Variants in FBXO42 observed in about 807,000 individuals in gnomAD.
FBXO42 encodes the protein F-box protein 42.
Under a neutral mutation model 71.7 loss-of-function variants are expected in FBXO42, and 12 were observed. The observed-to-expected ratio is 0.17, with a 90% confidence interval of 0.11 to 0.27. The LOEUF (loss-of-function observed/expected upper bound fraction) is 0.27. Ranked by LOEUF, FBXO42 falls within the 10% of genes least tolerant of loss-of-function variation. The pLI is 1.00. For synonymous variants in FBXO42, 325 were observed against 327.5 expected, an observed-to-expected ratio of 0.99 and a Z score of 0.08; for missense variants, 707 against 911.9, an observed-to-expected ratio of 0.78 and a Z score of 2.89.
intron 4 of FBXO42, among the ~76,000 whole-genome samples, chr1:16,278,390 C>A (rs886365698): frequency 4.6e-5 from 7 of 151,850 alleles, no homozygotes; most frequent in East Asian, 1.9e-4. Context: ...ACAAAAAAAA[C>A]CACATCCAGC....
In FBXO42 at chr1:16,294,840, T is replaced by A; in HGVS notation, c.445A>T (p.Asn149Tyr). 1 of 1,614,126 alleles carries A rather than the reference T, an allele frequency of 6.2e-7. No individual in the cohort carries two copies. Among genetic ancestry groups the A allele is most frequent in the Non-Finnish European group, 8.5e-7 (1 of 1,179,994 alleles). Residue 149 changes from asparagine (N) to tyrosine (Y), a missense_variant, in exon 4 of 10, where the codon AAT becomes TAT. Physicochemically the swap from Asn to Tyr is moderately radical, Grantham distance 143. This residue lies in a region of FBXO42 where 188 missense variants were observed against 230.5 expected (regional missense o/e 0.82). Transcript: ENST00000375592. ...TTTAGGTCAAGTCTCCAGAGGTCATTGAAAGCAGCATTGCAGCTGCTCTGG... is the reference window on the plus strand; with the variant it reads ...TTTAGGTCAAGTCTCCAGAGGTCATAGAAAGCAGCATTGCAGCTGCTCTGG... ...CTQSSCNAAF[N>Y]DLWRLDLNSK...
intron 4 of FBXO42, among the ~76,000 whole-genome samples, chr1:16,285,094 C>A (rs891902634): frequency 6.6e-6 from 1 of 151,506 alleles, no homozygotes; most frequent in Non-Finnish European, 1.5e-5. Flanking sequence ...TGCAGTGAGC[C>A]GAGATCGCAC....
chr1:16,351,886 C>T (rs943588650), intron 1 of FBXO42, among the ~76,000 whole-genome samples: 24 of 152,208 alleles, frequency 1.6e-4, no homozygotes, highest in African/African-American at 5.8e-4. Context: ...CACCCGACCC[C>T]CGACTCCTCT....
intron 6 of FBXO42, among the ~76,000 whole-genome samples, chr1:16,255,246 CTGTGA>C (rs2081628374): frequency 6.6e-6 from 1 of 151,892 alleles, no homozygotes; most frequent in Non-Finnish European, 1.5e-5. Context: ...ATTTATTGGT[CTGTGA>C]TTAAGGGATT....
intron 4 of FBXO42, among the ~76,000 whole-genome samples, chr1:16,288,268 A>C (rs2082042340): frequency 6.6e-6 from 1 of 151,910 alleles, no homozygotes; most frequent in Admixed American, 6.6e-5. Context: ...CATCTCTACC[A>C]AAAATACAAA....
Position 16,251,737 on chromosome 1 carries a change from G to A in FBXO42, c.1087C>T (p.Pro363Ser). The change falls in exon 10 of 10, where the codon CCA becomes TCA. Residue 363 changes from proline to serine, a missense_variant. Coordinates refer to ENST00000375592, the MANE Select transcript of FBXO42 (RefSeq NM_018994.3). The surrounding 1 kb of genome is among the most constrained non-coding windows in gnomAD (Gnocchi z 4.5). ...CGAGAGTTCAAACTGGGGCTGAGTG[G>A]GGCTCTCCCACTAGGAGCCTGGCTG... Reference protein sequence around the residue: ...VFSQAPSGRAPLSPSLNSRPS... With the variant: ...VFSQAPSGRASLSPSLNSRPS... The A allele has an allele frequency of 6.2e-7, 1 of 1,614,130 alleles. No individual in the cohort carries two copies. The highest frequency in any genetic ancestry group is 8.5e-7 in the Non-Finnish European group (1 of 1,180,022).
chr1:16,352,445 A>T lies in FBXO42; in HGVS notation c.-208T>A. The T allele has an allele frequency of 2.5e-6, 1 of 398,142 alleles. No homozygotes were observed. Among genetic ancestry groups the T allele is most frequent in the Non-Finnish European group, 4.4e-6 (1 of 226,402 alleles). 24.7% of individuals were successfully genotyped at this position (398,142 alleles called of 1,614,324 possible). On this transcript the variant is annotated 5_prime_UTR_variant, in exon 1 of 10. Coordinates refer to ENST00000375592, the MANE Select transcript of FBXO42 (RefSeq NM_018994.3). ...TCCACTCAAACGCCGCCGCCGCCGCAGCTGCTGCTGCTCAGGCCGGGAGAA... is the reference window on the plus strand; with the variant it reads ...TCCACTCAAACGCCGCCGCCGCCGCTGCTGCTGCTGCTCAGGCCGGGAGAA...
chr1:16,287,387 T>C (rs184883883), intron 4 of FBXO42, among the ~76,000 whole-genome samples: 1 of 152,298 alleles, frequency 6.6e-6, no homozygotes, highest in African/African-American at 2.4e-5. Flanking sequence ...TCCTCTAACA[T>C]ACTGTTATAT....
At chr1:16,331,661 G>A (rs1225592526) in intron 1 of FBXO42, among the ~76,000 whole-genome samples, 2 of 151,448 alleles carry the variant, frequency 1.3e-5, no homozygotes, top group African/African-American at 4.9e-5. Flanking sequence ...GGCTGAGGCA[G>A]GATTTTCACT....
intron 4 of FBXO42, among the ~76,000 whole-genome samples, chr1:16,286,063 T>C (rs1198172425): frequency 1.3e-5 from 2 of 151,790 alleles, no homozygotes; most frequent in Non-Finnish European, 2.9e-5. Flanking sequence ...TTTTTTTTAA[T>C]TTTTTGAGGA....
rs897737523 is a variant in FBXO42 at position 16,313,515 on chromosome 1, C to G, written c.250+1654G>C. Among the ~76,000 whole-genome samples the G allele has an allele frequency of 2.0e-5, 3 of 152,090 alleles. No individual in the cohort carries two copies. The East Asian group carries it at 5.8e-4, about 29-fold the overall frequency. The stretch of plus-strand genomic sequence containing the variant: ...CCATGTATTTCCACATTGCAGGGAG[C>G]CAATCTCTCCTGAAGAGCCCATCAA... On this transcript the variant is annotated intron_variant, in intron 2 of 9. Coordinates refer to ENST00000375592, the MANE Select transcript of FBXO42 (RefSeq NM_018994.3).
chr1:16,285,939 G>A (rs1032717447), intron 4 of FBXO42, among the ~76,000 whole-genome samples: 1 of 152,050 alleles, frequency 6.6e-6, no homozygotes, highest in African/African-American at 2.4e-5. Flanking sequence ...GCAAACATGG[G>A]TCACTGCAGC....
chr1:16,334,549 T>C (rs1184078694), intron 1 of FBXO42, among the ~76,000 whole-genome samples: 2 of 152,236 alleles, frequency 1.3e-5, no homozygotes, highest in African/African-American at 4.8e-5. Context: ...TCAATAATGT[T>C]TAAAATAACC....
chr1:16,274,594 T>TG (rs1483175677), intron 4 of FBXO42, among the ~76,000 whole-genome samples: 2 of 109,050 alleles, frequency 1.8e-5, no homozygotes, highest in East Asian at 3.4e-4. Flanking sequence ...CCCCGTTTTT[T>TG]TTTTTTTTTT....
At chr1:16,269,713 C>T (rs74380003) in intron 4 of FBXO42, among the ~76,000 whole-genome samples, 1 of 149,632 alleles carries the variant, frequency 6.7e-6, no homozygotes, top group African/African-American at 2.5e-5. Flanking sequence ...TTAGTGGAGA[C>T]GGGGTTTCTC....
At chr1:16,348,850 A>G (rs1388008632) in intron 1 of FBXO42, among the ~76,000 whole-genome samples, 1 of 152,258 alleles carries the variant, frequency 6.6e-6, no homozygotes, top group Non-Finnish European at 1.5e-5. Flanking sequence ...ATTGTAAGGA[A>G]TAACAATTAA....
At chr1:16,265,433 T>C (rs1371439909) in intron 4 of FBXO42, among the ~76,000 whole-genome samples, 1 of 152,192 alleles carries the variant, frequency 6.6e-6, no homozygotes, top group Non-Finnish European at 1.5e-5. Flanking sequence ...CATTTTTTAG[T>C]ATTAGTTTAT....
chr1:16,327,921 A>C lies in FBXO42; in HGVS notation c.-17-12486T>G, dbSNP rs1385434691. On this transcript the variant is annotated intron_variant, in intron 1 of 9. Coordinates refer to ENST00000375592, the MANE Select transcript of FBXO42 (RefSeq NM_018994.3). ...TCACCATGTTGGCCAGGCTGGTCTC[A>C]AACTCCTGACCTCAAGTGATCCGCC... 9.9e-5 allele frequency among the ~76,000 whole-genome samples: 15 copies of C among 152,090 alleles called. 1 individual carries two copies.
Position 16,252,222 on chromosome 1 carries a change from C to A in FBXO42, c.1038+66G>T. 8.2e-7 allele frequency: 1 copy of A among 1,225,582 alleles called. No homozygotes were observed. Among genetic ancestry groups the A allele is most frequent in the Non-Finnish European group, 1.2e-6 (1 of 838,634 alleles). The allele number at this position is 1,225,582 out of a possible 1,614,324, so 75.9% of individuals were successfully genotyped here. On this transcript the variant is annotated intron_variant, in intron 9 of 9. Transcript: ENST00000375592. The surrounding 1 kb of genome is among the most constrained non-coding windows in gnomAD (Gnocchi z 4.4). Reference sequence around the variant, plus strand: ...TTGTACAAATTTCTTTGTAACCTGACAAAGTAATGTGGTTTTCCACAATTT... The same window carrying A: ...TTGTACAAATTTCTTTGTAACCTGAAAAAGTAATGTGGTTTTCCACAATTT...
Sources: allele counts gnomAD v4.1 joint callset (sites outside exome capture counted in the v4.1 genomes callset), GRCh38; gene constraint gnomAD v4.1.1; regional missense constraint gnomAD v4.1.1; non-coding constraint Gnocchi (gnomAD v3.1); transcripts MANE v1.5; gene names NCBI Gene and HGNC (gene_info 2026-07-23, HGNC 2026-07-21).